Variants in PIGN observed in about 807,000 individuals in gnomAD.
PIGN encodes GPI ethanolamine phosphate transferase 1.
In PIGN, 117 loss-of-function variants were observed where a neutral mutation model predicts 125.4. The ratio of observed to expected loss-of-function variants is 0.93; its 90% CI spans 0.80 to 1.09. The LOEUF is 1.09. Among genes scored for constraint, PIGN ranks in the 50% least tolerant of loss-of-function variants. The pLI is 0.00. For missense variants in PIGN, 1,075 were observed against 1,094.9 expected (o/e 0.98, Z 0.26); for synonymous variants, 392 against 377.8 (o/e 1.04, Z -0.44).
chr18:62,051,778 G>T (rs1298436527), intron 30 of PIGN: 1 of 151,810 alleles, frequency 6.6e-6, no homozygotes, highest in Non-Finnish European at 1.5e-5. Context: ...TTTCTAGTTC[G>T]TTCAATTGTG....
chr18:62,131,239 T>C (rs1032011693), intron 14 of PIGN, among the ~76,000 whole-genome samples: 3 of 152,182 alleles, frequency 2.0e-5, no homozygotes, highest in Non-Finnish European at 2.9e-5. Flanking sequence ...ATCAAATTTA[T>C]ATAATAATTT....
At chr18:62,185,797 G>A (rs759838301) in intron 1 of PIGN, among the ~76,000 whole-genome samples, 33 of 152,098 alleles carry the variant, frequency 2.2e-4, no homozygotes, top group Non-Finnish European at 3.8e-4. Flanking sequence ...TCATAATCAA[G>A]GAATGACATA....
intron 30 of PIGN, among the ~76,000 whole-genome samples, chr18:62,065,253 C>T (rs922506715): frequency 1.3e-5 from 2 of 151,682 alleles, no homozygotes; most frequent in Non-Finnish European, 2.9e-5. Context: ...TGCATTATTA[C>T]AGAGGTAGAG....
chr18:62,059,604 C>A (rs2031991428), intron 30 of PIGN, among the ~76,000 whole-genome samples: 1 of 152,096 alleles, frequency 6.6e-6, no homozygotes, highest in Non-Finnish European at 1.5e-5. Flanking sequence ...ATAGGCAAAT[C>A]TGTAGAGACA....
chr18:62,149,210 T>C (rs1232360955), intron 7 of PIGN, among the ~76,000 whole-genome samples: 1 of 152,158 alleles, frequency 6.6e-6, no homozygotes, highest in Admixed American at 6.5e-5. Flanking sequence ...AACTCTTCAC[T>C]ACTATGTTAA....
At chr18:62,096,537 T>A (rs2034203738) in intron 22 of PIGN, among the ~76,000 whole-genome samples, 2 of 115,532 alleles carry the variant, frequency 1.7e-5, no homozygotes, top group Admixed American at 1.7e-4. Context: ...TTTTTTTTTT[T>A]TTTTTTATTA....
rs556354205 is a variant in PIGN, at chr18:62,167,710, A to G, written c.-235-4054T>C. Among the ~76,000 whole-genome samples, 18 of 151,806 alleles carry G rather than the reference A, an allele frequency of 1.2e-4. No individual in the cohort carries two copies. In the East Asian group the frequency reaches 3.5e-3, roughly 29 times the overall value. ...TCTCTCTCTCTCTACATATATATAT[A>G]TATACACACACACACAATAGAAGTG... On this transcript the variant is annotated intron_variant, in intron 1 of 30. Coordinates refer to ENST00000640252, the MANE Select transcript of PIGN (RefSeq NM_176787.5).
intron 23 of PIGN, among the ~76,000 whole-genome samples, chr18:62,032,649 T>C (rs953944614): frequency 1.3e-5 from 2 of 152,242 alleles, no homozygotes; most frequent in African/African-American, 2.4e-5. Context: ...GGGAAAACTA[T>C]GCATTTAAAA....
At chr18:62,046,584 C>T (rs2030726816) in intron 30 of PIGN, among the ~76,000 whole-genome samples, 1 of 151,170 alleles carries the variant, frequency 6.6e-6, no homozygotes, top group Admixed American at 6.7e-5. Context: ...TACACAGCGG[C>T]GTGTGGAAAA....
chr18:62,019,003 G>C (rs990153718), intron 23 of PIGN, among the ~76,000 whole-genome samples: 1 of 152,092 alleles, frequency 6.6e-6, no homozygotes, highest in Non-Finnish European at 1.5e-5. Flanking sequence ...GATCATTTGA[G>C]GCCAGGAGTT....
chr18:62,090,589 G>A lies in PIGN; in HGVS notation c.2181-11C>T, dbSNP rs755204857. On this transcript the variant is annotated splice_polypyrimidine_tract_variant and intron_variant, in intron 23 of 30. Coordinates refer to ENST00000640252, the MANE Select transcript of PIGN (RefSeq NM_176787.5). ...AAGAGAGCTTCATACCTAACAGGTG[G>A]GGAAAGGTAGAAATGAAAAGAAAAA... 1 of 1,487,868 alleles carries A rather than the reference G, an allele frequency of 6.7e-7. No homozygotes were observed. Among genetic ancestry groups the A allele is most frequent in the Non-Finnish European group, 9.3e-7 (1 of 1,072,850 alleles). The allele number at this position is 1,487,868 out of a possible 1,614,324, so 92.2% of individuals were successfully genotyped here.
chr18:62,025,969 A>C (rs2030113611), intron 23 of PIGN, among the ~76,000 whole-genome samples: 1 of 152,202 alleles, frequency 6.6e-6, no homozygotes, highest in Non-Finnish European at 1.5e-5. Context: ...TGTCACAACA[A>C]GACCTACATC....
intron 23 of PIGN, among the ~76,000 whole-genome samples, chr18:62,033,922 A>C (rs1479419072): frequency 6.6e-6 from 1 of 152,240 alleles, no homozygotes; most frequent in African/African-American, 2.4e-5. Flanking sequence ...TGGGGCAGGC[A>C]GTATTATCAC....
At position 62,026,351 on chromosome 18, in the gene PIGN, A is replaced by G. The variant is rs563754600; in HGVS notation, c.2143-8610T>C. ...GAAAAAAAAAAGAACGGAGCAACCA[A>G]TTTGAACAAGACTCAGCATTATAAA... On this transcript the variant is annotated intron_variant, in intron 23 of 24. Transcript: ENST00000639600. Among the ~76,000 whole-genome samples the G allele has an allele frequency of 1.5e-4, 23 of 152,324 alleles. No individual in the cohort carries two copies. The South Asian group carries it at 2.7e-3, about 18-fold the overall frequency.
At chr18:62,046,421 C>T (rs1470816574) in intron 30 of PIGN, among the ~76,000 whole-genome samples, 1 of 143,198 alleles carries the variant, frequency 7.0e-6, no homozygotes, top group Non-Finnish European at 1.5e-5. Flanking sequence ...CCTGTCAGAT[C>T]AGCGGCAGCA....
At chr18:62,186,078 T>G (rs2037973415) in intron 1 of PIGN, among the ~76,000 whole-genome samples, 1 of 137,192 alleles carries the variant, frequency 7.3e-6, no homozygotes. Context: ...TGAGACGGAG[T>G]CTCGTTCTGT....
chr18:62,064,862 G>A (rs1018649346), intron 30 of PIGN, among the ~76,000 whole-genome samples: 6 of 151,980 alleles, frequency 3.9e-5, no homozygotes, highest in African/African-American at 1.2e-4. Context: ...CAGAGGGAGA[G>A]GAGAGAAGAG....
chr18:62,040,504 C>A (rs1201163065), downstream of PIGN, among the ~76,000 whole-genome samples: 1 of 152,122 alleles, frequency 6.6e-6, no homozygotes, highest in Non-Finnish European at 1.5e-5. Flanking sequence ...GGGAGGAAGT[C>A]CGTGTAGCTA....
chr18:62,146,851 A>G (rs2036348186), intron 9 of PIGN, 120 bp downstream of exon 9: 1 of 905,630 alleles, frequency 1.1e-6, no homozygotes, highest in African/African-American at 1.7e-5. Context: ...GCACAGAATT[A>G]TGTGCTAGAC....
Sources: gnomAD v4.1 joint callset for allele counts (sites outside exome capture counted in the v4.1 genomes callset) on GRCh38, gnomAD v4.1.1 for gene constraint, MANE v1.5 for transcripts, NCBI Gene and HGNC (gene_info 2026-07-23, HGNC 2026-07-21) for gene names.